The following SMURF2 variants were observed in gnomAD, a reference collection of about 807,000 sequenced individuals.
The protein encoded by SMURF2 is E3 ubiquitin-protein ligase SMURF2.
In SMURF2, 48 loss-of-function variants were observed where a neutral mutation model predicts 109.6. That is an observed-to-expected ratio of 0.44 (90% CI 0.35 to 0.56). The LOEUF (loss-of-function observed/expected upper bound fraction) is 0.56, where lower values mean the gene tolerates loss of function less well. SMURF2 is among the 20% of genes least tolerant of loss of function. SMURF2 has a pLI of 0.01. For synonymous variants in SMURF2, 288 were observed against 317.1 expected, an observed-to-expected ratio of 0.91 and a Z score of 0.97; for missense variants, 575 against 909.0, an observed-to-expected ratio of 0.63 and a Z score of 4.72.
chr17:64,575,618 T>C (rs1969479289), intron 9 of SMURF2, among the ~76,000 whole-genome samples: 3 of 151,932 alleles, frequency 2.0e-5, no homozygotes, highest in Admixed American at 2.0e-4. Flanking sequence ...TATTTATAAA[T>C]AGAGAGTATC....
intron 5 of SMURF2, among the ~76,000 whole-genome samples, chr17:64,587,948 T>C (rs182576850): frequency 3.4e-3 from 524 of 151,944 alleles, no homozygotes; most frequent in Non-Finnish European, 5.6e-3. Flanking sequence ...GCTATGTTAA[T>C]AGCACAGCTA....
chr17:64,554,272 T>A (rs996338055), intron 15 of SMURF2, among the ~76,000 whole-genome samples: 40 of 152,262 alleles, frequency 2.6e-4, no homozygotes, highest in Middle Eastern at 6.8e-3. Context: ...GCTGTCTCAG[T>A]TTAACCAGAA....
chr17:64,566,561 G>GTTTGGTTTTTTTTTTTTTTTTTT (rs1969305868), intron 10 of SMURF2, among the ~76,000 whole-genome samples: 1 of 43,784 alleles, frequency 2.3e-5, no homozygotes. Context: ...AAGCTTTCTG[G>GTTTGGTTTTTTTTTTTTTTTTTT]TTTTTTTTTT....
chr17:64,650,362 AT>A, intron 1 of SMURF2, among the ~76,000 whole-genome samples: 1 of 142,246 alleles, frequency 7.0e-6, no homozygotes, highest in East Asian at 2.0e-4. Flanking sequence ...TTTTTTTGGT[AT>A]TTTCACACCT....
At chr17:64,630,902 A>G (rs1970330110) in intron 1 of SMURF2, among the ~76,000 whole-genome samples, 1 of 152,116 alleles carries the variant, frequency 6.6e-6, no homozygotes, top group African/African-American at 2.4e-5. Flanking sequence ...AGTCAAATGC[A>G]GTGGTAAGGT....
At chr17:64,617,490 T>C (rs547607129) in intron 1 of SMURF2, among the ~76,000 whole-genome samples, 19 of 152,306 alleles carry the variant, frequency 1.2e-4, no homozygotes, top group Admixed American at 1.0e-3. Flanking sequence ...TTATTATATT[T>C]TTATTTTTTT....
chr17:64,652,527 G>T (rs566992263), intron 1 of SMURF2, among the ~76,000 whole-genome samples: 11 of 152,170 alleles, frequency 7.2e-5, no homozygotes, highest in African/African-American at 2.7e-4. Flanking sequence ...TCGCTCTGTC[G>T]CCCAGGCTGG....
chr17:64,636,958 A>G (rs1404943002), intron 1 of SMURF2, among the ~76,000 whole-genome samples: 2 of 151,878 alleles, frequency 1.3e-5, no homozygotes, highest in Admixed American at 6.6e-5. Flanking sequence ...AGTGGCTAAT[A>G]CCTGTAATCC....
chr17:64,563,318 T>C (rs1969252154), intron 10 of SMURF2, among the ~76,000 whole-genome samples: 1 of 152,222 alleles, frequency 6.6e-6, no homozygotes, highest in Non-Finnish European at 1.5e-5. Flanking sequence ...ATCTAGACTC[T>C]TTCTTTCTGG....
chr17:64,645,941 G>A (rs782012318), intron 1 of SMURF2, among the ~76,000 whole-genome samples: 8 of 151,968 alleles, frequency 5.3e-5, no homozygotes, highest in Non-Finnish European at 1.2e-4. Flanking sequence ...TAAATAAGTA[G>A]GTAATGAAAG....
At chr17:64,661,442 G>A (rs1459396724) in intron 1 of SMURF2, among the ~76,000 whole-genome samples, 9 of 151,858 alleles carry the variant, frequency 5.9e-5, no homozygotes, top group Admixed American at 2.6e-4. Flanking sequence ...TCAGCAACCG[G>A]ATTCAATAAT....
intron 10 of SMURF2, among the ~76,000 whole-genome samples, chr17:64,568,084 G>C (rs1475840158): frequency 6.6e-6 from 1 of 152,012 alleles, no homozygotes; most frequent in Non-Finnish European, 1.5e-5. Flanking sequence ...TCGATCTCCT[G>C]ATCTTGTGAT....
At chr17:64,600,295 A>G (rs1969875977) in intron 2 of SMURF2, among the ~76,000 whole-genome samples, 1 of 152,238 alleles carries the variant, frequency 6.6e-6, no homozygotes, top group South Asian at 2.1e-4. Flanking sequence ...GCCCAAAGCA[A>G]TAATGAAAAT....
intron 9 of SMURF2, chr17:64,572,971 A>G (rs1969419874): frequency 6.6e-6 from 1 of 151,766 alleles, no homozygotes; most frequent in South Asian, 2.1e-4. Context: ...ACAATGTATG[A>G]TATGATCAGG....
intron 10 of SMURF2, among the ~76,000 whole-genome samples, chr17:64,569,792 G>A (rs1969373324): frequency 6.6e-6 from 1 of 152,208 alleles, no homozygotes; most frequent in Non-Finnish European, 1.5e-5. Context: ...ATACATTAAA[G>A]TTGAAGATAG....
At chr17:64,564,622 A>G (rs1158657267) in intron 10 of SMURF2, among the ~76,000 whole-genome samples, 4 of 152,220 alleles carry the variant, frequency 2.6e-5, no homozygotes, top group African/African-American at 9.6e-5. Context: ...ACATACATAC[A>G]GGAAAGAAGA....
intron 17 of SMURF2, among the ~76,000 whole-genome samples, chr17:64,546,894 T>TC (rs147662824): frequency 0.011 from 1,668 of 152,282 alleles, 26 homozygotes; most frequent in African/African-American, 0.038. Context: ...AAGCACGCTC[T>TC]CCCCCCAGGG....
intron 1 of SMURF2, among the ~76,000 whole-genome samples, chr17:64,624,123 C>T (rs1350894686): frequency 6.6e-6 from 1 of 152,176 alleles, no homozygotes; most frequent in Non-Finnish European, 1.5e-5. Context: ...AAATGACACA[C>T]TACTGACTAA....
chr17:64,613,950 C>A (rs1555689882), intron 1 of SMURF2, among the ~76,000 whole-genome samples: 1 of 151,996 alleles, frequency 6.6e-6, no homozygotes, highest in Non-Finnish European at 1.5e-5. Flanking sequence ...AAGACAGTGA[C>A]AGATCATCAG....
Sources: allele counts gnomAD v4.1 joint callset (sites outside exome capture counted in the v4.1 genomes callset), GRCh38; gene constraint gnomAD v4.1.1; transcripts MANE v1.5; gene names NCBI Gene and HGNC (gene_info 2026-07-23, HGNC 2026-07-21).